PPARGC1B: variants seen among roughly 807,000 people sequenced by gnomAD.
The protein encoded by PPARGC1B is PPARG coactivator 1 beta, also known as peroxisome proliferator-activated receptor gamma coactivator 1-beta.
PPARGC1B carries 34 observed loss-of-function variants against 101.6 expected under a neutral mutation model. That is an observed-to-expected ratio of 0.33 (90% CI 0.25 to 0.45). PPARGC1B has a LOEUF of 0.45. Among genes scored for constraint, PPARGC1B ranks in the 20% least tolerant of loss-of-function variants. The probability of loss-of-function intolerance (pLI) is 1.00; values close to 1 mark genes in which losing one functional copy is unlikely to be tolerated. For synonymous variants in PPARGC1B, 548 were observed against 539.3 expected (o/e 1.02, Z -0.22); for missense variants, 1,234 against 1,317.6 (o/e 0.94, Z 0.98).
At position 149,837,225 on chromosome 5, in the gene PPARGC1B, T is replaced by C. The variant is rs901209620; in HGVS notation, c.2618+152T>C. ...TGGCCCATGTCTTGGTCAGGAGCCT[T>C]GAAGGTGGTCTTCTGGGGCAGTTGT... On this transcript the variant is annotated intron_variant, in intron 8 of 11. Transcript: ENST00000309241. The surrounding 1 kb of genome is among the most constrained non-coding windows in gnomAD (Gnocchi z 4.2). The C allele has an allele frequency of 1.3e-5, 17 of 1,282,204 alleles. No individual in the cohort carries two copies. Among genetic ancestry groups the C allele is most frequent in the Non-Finnish European group, 1.8e-5 (17 of 957,490 alleles). 79.4% of individuals were successfully genotyped at this position (1,282,204 alleles called of 1,614,324 possible).
intron 1 of PPARGC1B, among the ~76,000 whole-genome samples, chr5:149,789,764 T>G (rs1273020018): frequency 6.6e-6 from 1 of 152,260 alleles, no homozygotes; most frequent in Non-Finnish European, 1.5e-5. Context: ...CACTGTAGAC[T>G]GTAAAGTGCC....
At position 149,836,450 on chromosome 5, in the gene PPARGC1B, G is replaced by A. The variant is rs1759081961; in HGVS notation, c.1995G>A (p.Leu665=). 1.9e-6 allele frequency: 3 copies of A among 1,614,080 alleles called. No individual in the cohort carries two copies. Among genetic ancestry groups the A allele is most frequent in the Non-Finnish European group, 2.5e-6 (3 of 1,180,018 alleles). The change falls in exon 8 of 12, where the codon CTG becomes CTA. Residue 665 remains leucine (L), a synonymous_variant. Coordinates refer to ENST00000309241, the MANE Select transcript of PPARGC1B (RefSeq NM_133263.4). ...PKKHPERSEL[L]SHLRHATAQP... Reference sequence around the variant, plus strand: ...AGCACCCAGAGCGAAGTGAGCTCCTGTCCCACCTGCGACATGCCACAGCCC... The same window carrying A: ...AGCACCCAGAGCGAAGTGAGCTCCTATCCCACCTGCGACATGCCACAGCCC...
intron 10 of PPARGC1B, 93 bp from the exon 11 acceptor site, chr5:149,845,667 C>T: frequency 7.5e-7 from 1 of 1,337,306 alleles, no homozygotes; most frequent in Admixed American, 2.2e-5. Flanking sequence ...TATCGAATCA[C>T]TGTGGCAGTC....
chr5:149,841,425 T>G (rs1759331031), intron 9 of PPARGC1B, among the ~76,000 whole-genome samples: 1 of 152,016 alleles, frequency 6.6e-6, no homozygotes, highest in Non-Finnish European at 1.5e-5. Context: ...GACGACGGAG[T>G]CCTGTTTGTG....
chr5:149,855,838 T>G (rs1759933527), downstream of PPARGC1B, among the ~76,000 whole-genome samples: 1 of 152,140 alleles, frequency 6.6e-6, no homozygotes, highest in Non-Finnish European at 1.5e-5. Context: ...AAGAACAGGC[T>G]GGGCGCGGTG....
intron 1 of PPARGC1B, among the ~76,000 whole-genome samples, chr5:149,782,617 T>C (rs1394222425): frequency 6.6e-6 from 1 of 152,258 alleles, no homozygotes; most frequent in East Asian, 1.9e-4. Context: ...TCTGGGCCTC[T>C]GTACCATTTC....
chr5:149,770,906 G>A (rs1756105177), intron 1 of PPARGC1B, among the ~76,000 whole-genome samples: 1 of 152,250 alleles, frequency 6.6e-6, no homozygotes, highest in Admixed American at 6.5e-5. Context: ...GACACCTTGA[G>A]TGATACCGAA....
At chr5:149,734,209 C>G (rs949139462) in intron 1 of PPARGC1B, among the ~76,000 whole-genome samples, 1 of 146,692 alleles carries the variant, frequency 6.8e-6, no homozygotes, top group Non-Finnish European at 1.5e-5. Flanking sequence ...GTAATCCCAG[C>G]TACTTGGGAG....
Position 149,826,824 on chromosome 5 carries a change from C to G in PPARGC1B, c.404C>G (p.Pro135Arg). The part of the protein sequence containing the change: ...TSASPAPSSA[P>R]PSPAPEKPSA... ...GCTTCGCCTGCCCCCTCATCTGCAC[C>G]CCCCAGCCCTGCCCCGGAGAAGCCC... Residue 135 changes from proline (P) to arginine (R), a missense_variant, in exon 3 of 12, where the codon CCC becomes CGC. Around this residue, in one of 3 missense-constraint regions of PPARGC1B, gnomAD observed 734 missense variants for 768.4 expected, o/e 0.96. Coordinates refer to ENST00000309241, the MANE Select transcript of PPARGC1B (RefSeq NM_133263.4). The G allele has an allele frequency of 6.2e-7, 1 of 1,613,866 alleles. No individual in the cohort carries two copies. Among genetic ancestry groups the G allele is most frequent in the East Asian group, 2.2e-5 (1 of 44,872 alleles).
At chr5:149,774,616 G>A (rs1756282937) in intron 1 of PPARGC1B, among the ~76,000 whole-genome samples, 1 of 151,566 alleles carries the variant, frequency 6.6e-6, no homozygotes, top group East Asian at 1.9e-4. Context: ...TAGCATGCAG[G>A]CCACACCTCT....
chr5:149,756,670 G>C (rs1033446375), intron 1 of PPARGC1B, among the ~76,000 whole-genome samples: 7 of 152,068 alleles, frequency 4.6e-5, no homozygotes, highest in African/African-American at 1.7e-4. Flanking sequence ...GAGATTTGAG[G>C]GTTTTTCCTG....
Position 149,786,598 on chromosome 5 carries a change from G to A in PPARGC1B, c.79-33835G>A, listed in dbSNP as rs182833463. Among the ~76,000 whole-genome samples, 454 of 152,328 alleles carry A rather than the reference G, an allele frequency of 3.0e-3. 3 individuals are homozygous for A. Among genetic ancestry groups the A allele is most frequent in the Non-Finnish European group, 4.7e-3 (323 of 68,036 alleles). ...GGCAGGAGCCAAGATCCAGAGGCAG[G>A]CGTGTGTGCAGATACCTTCCCAGAA... is the stretch of plus-strand genomic sequence containing the variant. On this transcript the variant is annotated intron_variant, in intron 1 of 11. Transcript: ENST00000309241.
intron 1 of PPARGC1B, among the ~76,000 whole-genome samples, chr5:149,780,793 G>T (rs1426678593): frequency 6.6e-6 from 1 of 152,226 alleles, no homozygotes; most frequent in Non-Finnish European, 1.5e-5. Flanking sequence ...TTCCACATGG[G>T]TGGAGGCAGT....
chr5:149,847,699 T>C lies in PPARGC1B; in HGVS notation c.*141T>C. On this transcript the variant is annotated 3_prime_UTR_variant, in exon 12 of 12. Coordinates refer to ENST00000309241, the MANE Select transcript of PPARGC1B (RefSeq NM_133263.4). ...CCGTGAGAGAGACTTGAAACTGCTG[T>C]CCTTTAAAAAAAAAAAAAATCAATG... 1 of 617,100 alleles carries C rather than the reference T, an allele frequency of 1.6e-6. No homozygotes were observed. The highest frequency in any genetic ancestry group is 2.8e-6 in the Non-Finnish European group (1 of 351,566). The allele number at this position is 617,100 out of a possible 1,614,324, so 38.2% of individuals were successfully genotyped here. A position where few individuals can be genotyped will look rare whatever the true frequency, so the allele number is the denominator to read the frequency against.
intron 3 of PPARGC1B, among the ~76,000 whole-genome samples, chr5:149,830,566 T>TA (rs1375069895): frequency 6.6e-6 from 1 of 152,232 alleles, no homozygotes; most frequent in South Asian, 2.1e-4. Flanking sequence ...TTAGCATACT[T>TA]ACGTGTGTTC....
At chr5:149,855,524 A>G (rs537869822), downstream of PPARGC1B, among the ~76,000 whole-genome samples, 10 of 152,310 alleles carry the variant, frequency 6.6e-5, no homozygotes, top group East Asian at 1.7e-3. Context: ...CAAAACACTC[A>G]TCAATTTGTA....
chr5:149,819,488 G>T (rs74924876), intron 1 of PPARGC1B, among the ~76,000 whole-genome samples: 9 of 137,334 alleles, frequency 6.6e-5, no homozygotes, highest in African/African-American at 2.5e-4. Flanking sequence ...TTGTTTGTTT[G>T]TTTTTGTTTT....
chr5:149,733,292 G>T (rs192118016), intron 1 of PPARGC1B, among the ~76,000 whole-genome samples: 24 of 152,334 alleles, frequency 1.6e-4, no homozygotes, highest in Admixed American at 1.4e-3. Flanking sequence ...AACAAGGATT[G>T]CGAAAGTTTC....
At chr5:149,812,786 T>A (rs573052675) in intron 1 of PPARGC1B, among the ~76,000 whole-genome samples, 13 of 152,308 alleles carry the variant, frequency 8.5e-5, no homozygotes, top group African/African-American at 2.9e-4. Context: ...ACCCACCCAA[T>A]CCAACCAGTT....
Sources: allele counts gnomAD v4.1 joint callset (sites outside exome capture counted in the v4.1 genomes callset), GRCh38; gene constraint gnomAD v4.1.1; regional missense constraint gnomAD v4.1.1; non-coding constraint Gnocchi (gnomAD v3.1); transcripts MANE v1.5; gene names NCBI Gene and HGNC (gene_info 2026-07-23, HGNC 2026-07-21).